KCNIP4: variants seen among roughly 807,000 people sequenced by gnomAD.
The protein encoded by KCNIP4 is potassium voltage-gated channel interacting protein 4, also known as Kv channel-interacting protein 4.
KCNIP4 carries 12 observed loss-of-function variants against 34.0 expected under a neutral mutation model. The observed-to-expected ratio is 0.35, with a 90% CI of 0.23 to 0.57. KCNIP4 has a LOEUF of 0.57. Ranked by LOEUF, KCNIP4 falls within the 20% of genes least tolerant of loss-of-function variation. The pLI is 0.83. For missense variants in KCNIP4, 238 were observed against 311.7 expected (o/e 0.76, Z 1.78); for synonymous variants, 124 against 102.2 (o/e 1.21, Z -1.29).
chr4:21,925,408 T>C (rs539490121), intron 1 of KCNIP4, among the ~76,000 whole-genome samples: 3 of 152,274 alleles, frequency 2.0e-5, no homozygotes, highest in East Asian at 1.9e-4. Context: ...ACAAAGGACA[T>C]GAACTCATCA....
intron 1 of KCNIP4, 53 bp from the exon 2 acceptor site, chr4:20,882,762 C>T (rs1464877384): frequency 7.8e-6 from 11 of 1,413,156 alleles, no homozygotes; most frequent in African/African-American, 1.4e-5. Context: ...AGAAAAGGGA[C>T]GTGCTGCAGG....
intron 1 of KCNIP4, among the ~76,000 whole-genome samples, chr4:21,044,603 C>T (rs978891732): frequency 1.3e-5 from 2 of 152,182 alleles, no homozygotes; most frequent in African/African-American, 4.8e-5. Context: ...AGCCACCATG[C>T]CCAGCCCGTT....
At chr4:21,476,989 T>C (rs1254654614) in intron 1 of KCNIP4, among the ~76,000 whole-genome samples, 1 of 152,100 alleles carries the variant, frequency 6.6e-6, no homozygotes, top group East Asian at 1.9e-4. Flanking sequence ...GACCCAAATA[T>C]GGTCCCTGAC....
At chr4:21,629,348 A>G (rs1277111588) in intron 1 of KCNIP4, among the ~76,000 whole-genome samples, 3 of 152,196 alleles carry the variant, frequency 2.0e-5, no homozygotes, top group Non-Finnish European at 4.4e-5. Context: ...CTAATGTACA[A>G]GAAAATTATC....
intron 1 of KCNIP4, among the ~76,000 whole-genome samples, chr4:21,583,503 G>T (rs1034988893): frequency 3.3e-5 from 5 of 151,960 alleles, no homozygotes; most frequent in African/African-American, 1.2e-4. Flanking sequence ...TAGTCATAAA[G>T]AAGTCCTAGG....
At chr4:21,113,723 T>G (rs188416427) in intron 1 of KCNIP4, among the ~76,000 whole-genome samples, 5 of 152,192 alleles carry the variant, frequency 3.3e-5, no homozygotes, top group African/African-American at 1.2e-4. Context: ...TTTTCCACAA[T>G]GTGGAATATT....
At chr4:20,964,370 T>G (rs1734137358) in intron 1 of KCNIP4, among the ~76,000 whole-genome samples, 1 of 152,204 alleles carries the variant, frequency 6.6e-6, no homozygotes, top group Non-Finnish European at 1.5e-5. Context: ...AAAAACACAG[T>G]TAAAGTATGT....
At position 21,295,680 on chromosome 4, in the gene KCNIP4, C is replaced by G. The variant is rs560998955; in HGVS notation, c.62-412971G>C. ...CTCATTTAAGTATTTTCAAACAAGT[C>G]AGTTCTTTGGAAAGGCTTTCTCTGA... On this transcript the variant is annotated intron_variant, in intron 1 of 8. Transcript: ENST00000382152. 7.9e-5 allele frequency among the ~76,000 whole-genome samples: 12 copies of G among 152,286 alleles called. No homozygotes were observed. In the South Asian group the frequency reaches 1.9e-3, roughly 24 times the overall value.
chr4:21,194,530 C>G (rs1755914641), intron 1 of KCNIP4, among the ~76,000 whole-genome samples: 2 of 152,164 alleles, frequency 1.3e-5, no homozygotes, highest in Admixed American at 6.5e-5. Context: ...ATAAGGTCTC[C>G]TAACTTCGAA....
chr4:21,298,337 G>T (rs1012462505), intron 1 of KCNIP4, among the ~76,000 whole-genome samples: 2 of 152,062 alleles, frequency 1.3e-5, no homozygotes, highest in African/African-American at 4.8e-5. Context: ...CTTGTGTTAT[G>T]CTTTAATTCA....
At chr4:21,547,977 G>A (rs778415630) in intron 1 of KCNIP4, among the ~76,000 whole-genome samples, 3 of 152,222 alleles carry the variant, frequency 2.0e-5, no homozygotes, top group Middle Eastern at 3.4e-3. Context: ...TGGACAATCT[G>A]TGGTTGTTTG....
chr4:21,633,638 A>T (rs1283593669), intron 1 of KCNIP4, among the ~76,000 whole-genome samples: 14 of 152,132 alleles, frequency 9.2e-5, no homozygotes. Context: ...AATGCAGTAG[A>T]CCAGCATTTA....
intron 1 of KCNIP4, among the ~76,000 whole-genome samples, chr4:20,917,172 G>A (rs1372114992): frequency 6.6e-6 from 1 of 150,508 alleles, no homozygotes; most frequent in Non-Finnish European, 1.5e-5. Context: ...CAAGTAGCTG[G>A]GATTACAGGC....
At chr4:21,754,692 C>G (rs1005177418) in intron 1 of KCNIP4, among the ~76,000 whole-genome samples, 3 of 152,152 alleles carry the variant, frequency 2.0e-5, no homozygotes, top group African/African-American at 7.2e-5. Flanking sequence ...ATAGTAGAAG[C>G]TTCCCTAAAC....
intron 1 of KCNIP4, among the ~76,000 whole-genome samples, chr4:21,188,035 A>G (rs1208244460): frequency 6.6e-6 from 1 of 152,240 alleles, no homozygotes; most frequent in African/African-American, 2.4e-5. Context: ...TGTGACAGTA[A>G]TATGAGAAAA....
At chr4:21,578,038 G>T (rs1043519099) in intron 1 of KCNIP4, among the ~76,000 whole-genome samples, 3 of 152,028 alleles carry the variant, frequency 2.0e-5, no homozygotes, top group African/African-American at 2.4e-5. Flanking sequence ...CTAATGTGTA[G>T]ATTATTAAGA....
intron 1 of KCNIP4, among the ~76,000 whole-genome samples, chr4:21,265,057 C>T (rs1761709711): frequency 6.6e-6 from 1 of 151,860 alleles, no homozygotes; most frequent in South Asian, 2.1e-4. Context: ...CGAGATCATA[C>T]CACTGCATTC....
chr4:21,501,584 A>G (rs1239699286), intron 1 of KCNIP4, among the ~76,000 whole-genome samples: 1 of 152,042 alleles, frequency 6.6e-6, no homozygotes, highest in African/African-American at 2.4e-5. Context: ...TTGTTTCTCC[A>G]AAGGTCTTTC....
chr4:21,903,491 C>A (rs1347217840), intron 1 of KCNIP4, among the ~76,000 whole-genome samples: 1 of 152,126 alleles, frequency 6.6e-6, no homozygotes, highest in East Asian at 1.9e-4. Flanking sequence ...ATTAATTGGT[C>A]TTTCAAAGCT....
Sources: gnomAD v4.1 joint callset for allele counts (sites outside exome capture counted in the v4.1 genomes callset) on GRCh38, gnomAD v4.1.1 for gene constraint, MANE v1.5 for transcripts, NCBI Gene and HGNC (gene_info 2026-07-23, HGNC 2026-07-21) for gene names.